Variants in CBFA2T2 observed in about 807,000 individuals in gnomAD.
The protein encoded by CBFA2T2 is CBFA2/RUNX1 partner transcriptional co-repressor 2, also known as protein CBFA2T2.
In CBFA2T2, 11 loss-of-function variants were observed where a neutral mutation model predicts 62.2. The ratio of observed to expected loss-of-function variants is 0.18; its 90% CI spans 0.11 to 0.29. The LOEUF is 0.29. Ranked by LOEUF, CBFA2T2 falls within the 10% of genes least tolerant of loss-of-function variation. The probability of loss-of-function intolerance (pLI) is 1.00; values close to 1 mark genes in which losing one functional copy is unlikely to be tolerated. For synonymous variants in CBFA2T2, 295 were observed against 287.5 expected, an observed-to-expected ratio of 1.03 and a Z score of -0.27; for missense variants, 592 against 774.1, an observed-to-expected ratio of 0.76 and a Z score of 2.79.
intron 1 of CBFA2T2, among the ~76,000 whole-genome samples, chr20:33,587,576 C>T (rs1450049356): frequency 1.3e-5 from 2 of 151,516 alleles, no homozygotes; most frequent in East Asian, 2.0e-4. Flanking sequence ...AATTTTTGTA[C>T]TTTTAGTAGA....
intron 3 of CBFA2T2, among the ~76,000 whole-genome samples, chr20:33,616,784 A>G (rs551155707): frequency 5.3e-5 from 8 of 152,238 alleles, no homozygotes; most frequent in African/African-American, 1.4e-4. Flanking sequence ...ACATTGGAGT[A>G]TAAGTGTTGC....
chr20:33,521,586 A>G (rs1042516913), intron 1 of CBFA2T2, among the ~76,000 whole-genome samples: 5 of 152,182 alleles, frequency 3.3e-5, no homozygotes, highest in African/African-American at 1.2e-4. Flanking sequence ...AATAAACTGC[A>G]TGGAGTCCAG....
chr20:33,586,326 G>A (rs956871877), intron 1 of CBFA2T2, among the ~76,000 whole-genome samples: 5 of 152,130 alleles, frequency 3.3e-5, no homozygotes, highest in East Asian at 1.9e-4. Flanking sequence ...CTACAGGGAC[G>A]GGGTTTCACT....
intron 1 of CBFA2T2, among the ~76,000 whole-genome samples, chr20:33,585,433 G>A (rs1022470908): frequency 1.4e-4 from 22 of 152,052 alleles, no homozygotes; most frequent in Non-Finnish European, 2.6e-4. Flanking sequence ...CCCATACAGC[G>A]TTGTATTATA....
intron 8 of CBFA2T2, among the ~76,000 whole-genome samples, chr20:33,634,329 C>G (rs1054640000): frequency 6.6e-6 from 1 of 152,128 alleles, no homozygotes; most frequent in East Asian, 1.9e-4. Flanking sequence ...GAATGACAGT[C>G]AAGCTCACAT....
intron 1 of CBFA2T2, among the ~76,000 whole-genome samples, chr20:33,532,999 A>T (rs1201772726): frequency 3.9e-5 from 6 of 152,122 alleles, no homozygotes; most frequent in African/African-American, 1.4e-4. Context: ...TTCAAACTGC[A>T]TGGAATCCTC....
intron 1 of CBFA2T2, among the ~76,000 whole-genome samples, chr20:33,603,935 A>G (rs1234303538): frequency 1.3e-5 from 2 of 152,174 alleles, no homozygotes; most frequent in African/African-American, 2.4e-5. Context: ...TAAAATGCCT[A>G]CTTTGGAACA....
intron 1 of CBFA2T2, among the ~76,000 whole-genome samples, chr20:33,557,004 CTTTTTTTTTTTTT>C (rs751836572): frequency 6.1e-4 from 28 of 46,214 alleles, no homozygotes; most frequent in African/African-American, 1.2e-3. Context: ...GCATGCTTAT[CTTTTTTTTTTTTT>C]TTTTTTTTTT....
intron 1 of CBFA2T2, among the ~76,000 whole-genome samples, chr20:33,572,139 A>G (rs2013598738): frequency 6.6e-6 from 1 of 152,182 alleles, no homozygotes; most frequent in Non-Finnish European, 1.5e-5. Context: ...GTGATCTGCC[A>G]ACCTTGTTTA....
intron 1 of CBFA2T2, among the ~76,000 whole-genome samples, chr20:33,581,046 C>T (rs2014089478): frequency 6.6e-6 from 1 of 151,564 alleles, no homozygotes; most frequent in Non-Finnish European, 1.5e-5. Context: ...TCCATCCATC[C>T]CGTCCCTCCT....
intron 3 of CBFA2T2, among the ~76,000 whole-genome samples, chr20:33,614,835 C>T (rs1251569929): frequency 6.6e-6 from 1 of 152,206 alleles, no homozygotes; most frequent in Non-Finnish European, 1.5e-5. Flanking sequence ...GCCACCTCTT[C>T]AGTTAAGAAA....
intron 1 of CBFA2T2, among the ~76,000 whole-genome samples, chr20:33,536,975 C>T (rs1473947056): frequency 6.6e-6 from 1 of 150,848 alleles, no homozygotes; most frequent in African/African-American, 2.4e-5. Flanking sequence ...GGGATGGCGG[C>T]CGGGAAGAGG....
intron 1 of CBFA2T2, among the ~76,000 whole-genome samples, chr20:33,557,365 A>G (rs2012931943): frequency 6.6e-6 from 1 of 151,962 alleles, no homozygotes; most frequent in Non-Finnish European, 1.5e-5. Flanking sequence ...TATTTCTCCA[A>G]GGATCCTTGG....
At chr20:33,569,269 A>G (rs202213294) in intron 1 of CBFA2T2, among the ~76,000 whole-genome samples, 1 of 152,196 alleles carries the variant, frequency 6.6e-6, no homozygotes, top group East Asian at 1.9e-4. Flanking sequence ...AAAGGATAAT[A>G]TGTTTTGTGG....
At chr20:33,599,455 A>G (rs2015029010) in intron 1 of CBFA2T2, among the ~76,000 whole-genome samples, 1 of 152,228 alleles carries the variant, frequency 6.6e-6, no homozygotes, top group Non-Finnish European at 1.5e-5. Context: ...TTTCCAGTAT[A>G]TGTATAAACA....
chr20:33,530,748 A>G (rs1482976777), intron 1 of CBFA2T2, among the ~76,000 whole-genome samples: 3 of 152,064 alleles, frequency 2.0e-5, no homozygotes, highest in Non-Finnish European at 2.9e-5. Context: ...AGGAAGCACT[A>G]TAAAAGCACA....
At chr20:33,599,411 C>A (rs2015028158) in intron 1 of CBFA2T2, among the ~76,000 whole-genome samples, 1 of 152,132 alleles carries the variant, frequency 6.6e-6, no homozygotes, top group Non-Finnish European at 1.5e-5. Flanking sequence ...GGAAAAGTTT[C>A]CTGATTCCTG....
Position 33,644,374 on chromosome 20 carries a change from A to T in CBFA2T2, c.1516A>T (p.Ser506Cys). Reference sequence around the variant, plus strand: ...CTGCTGGAACTGTGGCCGCAAAGCCAGCGAGACATGCAGTGGCTGCAATAT... The same window carrying T: ...CTGCTGGAACTGTGGCCGCAAAGCCTGCGAGACATGCAGTGGCTGCAATAT... ...ENCWNCGRKA[S>C]ETCSGCNIAR... The change falls in exon 11 of 11, where the codon AGC becomes TGC. Residue 506 changes from serine to cysteine, a missense_variant. Ser to Cys is a moderately radical substitution (Grantham distance 112). Around this residue, in one of 3 missense-constraint regions of CBFA2T2, gnomAD observed 58 missense variants for 123.9 expected, o/e 0.47. Coordinates refer to ENST00000342704, the MANE Select transcript of CBFA2T2 (RefSeq NM_001032999.3). 3 of 1,612,796 alleles carry T rather than the reference A, an allele frequency of 1.9e-6. No individual in the cohort carries two copies. Among genetic ancestry groups the T allele is most frequent in the Non-Finnish European group, 2.5e-6 (3 of 1,178,888 alleles).
At position 33,606,969 on chromosome 20, in the gene CBFA2T2, A is replaced by G. The variant is rs763720747; in HGVS notation, c.48A>G (p.Lys16=). 24 of 1,613,668 alleles carry G rather than the reference A, an allele frequency of 1.5e-5. No individual in the cohort carries two copies. Residue 16 remains lysine, a synonymous_variant, in exon 2 of 11, where the codon AAA becomes AAG. Transcript: ENST00000342704. ...GAAAFQLGPE[K]RVPAMPGSPV... is the part of the protein sequence containing the mutation. The stretch of plus-strand genomic sequence containing the variant: ...GATTCTCTGCAGTTGGTCCTGAGAA[A>G]AGGGTGCCAGCGATGCCTGGATCGC...
Sources: gnomAD v4.1 joint callset for allele counts (sites outside exome capture counted in the v4.1 genomes callset) on GRCh38, gnomAD v4.1.1 for gene constraint, gnomAD v4.1.1 regional missense constraint, MANE v1.5 for transcripts, NCBI Gene and HGNC (gene_info 2026-07-23, HGNC 2026-07-21) for gene names.